Variants in VEPH1 observed in about 807,000 individuals in gnomAD.
VEPH1 encodes ventricular zone-expressed PH domain-containing protein homolog 1.
VEPH1 carries 80 observed loss-of-function variants against 85.2 expected under a neutral mutation model. The observed-to-expected ratio is 0.94, with a 90% CI of 0.78 to 1.13. The LOEUF is 1.13. Ranked by LOEUF, VEPH1 falls within the 50% of genes most tolerant of loss-of-function variation. The probability of loss-of-function intolerance (pLI) is 0.00; values close to 1 mark genes in which losing one functional copy is unlikely to be tolerated. For synonymous variants in VEPH1, 297 were observed against 348.0 expected, an observed-to-expected ratio of 0.85 and a Z score of 1.63; for missense variants, 955 against 980.5, an observed-to-expected ratio of 0.97 and a Z score of 0.35.
At chr3:157,355,317 A>G (rs1219401623) in intron 9 of VEPH1, among the ~76,000 whole-genome samples, 2 of 152,306 alleles carry the variant, frequency 1.3e-5, no homozygotes, top group East Asian at 1.9e-4. Flanking sequence ...CAGGTTCTCA[A>G]GAAGAGTTGG....
chr3:157,479,030 CA>C (rs569504317), intron 2 of VEPH1, among the ~76,000 whole-genome samples: 98 of 151,494 alleles, frequency 6.5e-4, no homozygotes, highest in Middle Eastern at 3.4e-3. Context: ...TTCAAAAAGA[CA>C]AAAAAAAATT....
chr3:157,473,067 CTT>C (rs200991031), intron 2 of VEPH1, among the ~76,000 whole-genome samples: 1,977 of 82,202 alleles, frequency 0.024, 12 homozygotes, highest in African/African-American at 0.11. Flanking sequence ...TTAAATGAAC[CTT>C]TTTTTTTTTT....
intron 9 of VEPH1, among the ~76,000 whole-genome samples, chr3:157,335,689 T>C (rs1722901235): frequency 6.6e-6 from 1 of 152,134 alleles, no homozygotes; most frequent in Non-Finnish European, 1.5e-5. Flanking sequence ...AAAGTGTCCA[T>C]CTCTACAAAA....
chr3:157,319,680 T>C (rs1721161286), intron 9 of VEPH1, among the ~76,000 whole-genome samples: 2 of 152,334 alleles, frequency 1.3e-5, no homozygotes, highest in African/African-American at 2.4e-5. Context: ...AGTTGGACTT[T>C]AGGCCTTTAT....
At chr3:157,501,911 T>G (rs959893536) in intron 1 of VEPH1, among the ~76,000 whole-genome samples, 3 of 152,240 alleles carry the variant, frequency 2.0e-5, no homozygotes, top group African/African-American at 7.2e-5. Context: ...CCATTTGGGC[T>G]CTAGAAACTT....
At position 157,487,108 on chromosome 3, in the gene VEPH1, T is replaced by C. The variant is rs563500380; in HGVS notation, c.138+8104A>G. Among the ~76,000 whole-genome samples the C allele has an allele frequency of 4.0e-5, 6 of 151,286 alleles. No individual in the cohort carries two copies. In the South Asian group the frequency reaches 8.3e-4, roughly 21 times the overall value. ...AACCTAATTATACAATTGAGGAGAC[T>C]AAAAAAAAGAACAGCAGAATAAAGC... On this transcript the variant is annotated intron_variant, in intron 2 of 13. Transcript: ENST00000362010.
At chr3:157,279,783 C>T (rs113036689) in intron 12 of VEPH1, among the ~76,000 whole-genome samples, 90 of 151,898 alleles carry the variant, frequency 5.9e-4, no homozygotes, top group African/African-American at 2.0e-3. Context: ...TTTGGGAGGC[C>T]GAGGCGGGCG....
chr3:157,363,779 G>T lies in VEPH1; in HGVS notation c.1338-18C>A. Reference sequence around the variant, plus strand: ...TTTTTGACCTAGAGTTCAAACAAAGGGAAAGTTAAAGAAGTTGTGTTACCA... The same window carrying T: ...TTTTTGACCTAGAGTTCAAACAAAGTGAAAGTTAAAGAAGTTGTGTTACCA... On this transcript the variant is annotated intron_variant, in intron 8 of 13. Coordinates refer to ENST00000362010, the MANE Select transcript of VEPH1 (RefSeq NM_001167912.2). The T allele has an allele frequency of 6.2e-7, 1 of 1,601,482 alleles. No homozygotes were observed. The highest frequency in any genetic ancestry group is 8.5e-7 in the Non-Finnish European group (1 of 1,173,354).
At chr3:157,272,332 T>G (rs1166961746) in intron 12 of VEPH1, among the ~76,000 whole-genome samples, 5 of 150,432 alleles carry the variant, frequency 3.3e-5, no homozygotes, top group African/African-American at 4.9e-5. Context: ...CTCTCTCTCT[T>G]TCTTTCTTTC....
intron 13 of VEPH1, among the ~76,000 whole-genome samples, 169 bp downstream of exon 13, chr3:157,265,357 C>A (rs1171089946): frequency 6.6e-6 from 1 of 152,132 alleles, no homozygotes; most frequent in Non-Finnish European, 1.5e-5. Context: ...AATCAACTAA[C>A]ATAGGAATAA....
chr3:157,314,549 A>G (rs2108519815), intron 10 of VEPH1, among the ~76,000 whole-genome samples: 1 of 152,146 alleles, frequency 6.6e-6, no homozygotes, highest in East Asian at 1.9e-4. Flanking sequence ...CATGGTTAAT[A>G]TAAATATTCA....
intron 6 of VEPH1, chr3:157,413,664 G>T: frequency 1.0e-6 from 1 of 985,076 alleles, no homozygotes; most frequent in Non-Finnish European, 1.2e-6. Context: ...CATGTAAAAG[G>T]ACTGAAAGAG....
chr3:157,369,194 A>AC (rs1181703330), intron 7 of VEPH1, among the ~76,000 whole-genome samples: 11 of 145,038 alleles, frequency 7.6e-5, no homozygotes, highest in African/African-American at 2.8e-4. Flanking sequence ...AAAAAAAAAA[A>AC]AAAAAAAAAA....
chr3:157,323,017 A>G (rs1267379272), intron 9 of VEPH1, among the ~76,000 whole-genome samples: 1 of 152,214 alleles, frequency 6.6e-6, no homozygotes, highest in East Asian at 1.9e-4. Context: ...ACTTTAAAAT[A>G]CCATTGCTTT....
chr3:157,417,233 C>T (rs758997827), intron 5 of VEPH1, among the ~76,000 whole-genome samples: 5 of 152,138 alleles, frequency 3.3e-5, no homozygotes, highest in Non-Finnish European at 7.4e-5. Context: ...AAACATAGGG[C>T]ATTTCCTTAG....
intron 2 of VEPH1, among the ~76,000 whole-genome samples, chr3:157,477,484 T>C (rs1737590987): frequency 6.6e-6 from 1 of 152,122 alleles, no homozygotes; most frequent in African/African-American, 2.4e-5. Context: ...GATGAGGACA[T>C]TTTTTGTGGG....
At chr3:157,400,200 T>A (rs528755987) in intron 6 of VEPH1, among the ~76,000 whole-genome samples, 4 of 152,214 alleles carry the variant, frequency 2.6e-5, no homozygotes, top group African/African-American at 4.8e-5. Context: ...AACAATTTTT[T>A]AAAATAAATC....
chr3:157,481,050 C>T (rs1230131685), intron 2 of VEPH1, among the ~76,000 whole-genome samples: 1 of 152,026 alleles, frequency 6.6e-6, no homozygotes, highest in Non-Finnish European at 1.5e-5. Flanking sequence ...CTGATGACTG[C>T]TAAAGTTGAG....
At chr3:157,456,628 A>G (rs1343196800) in intron 4 of VEPH1, among the ~76,000 whole-genome samples, 2 of 152,166 alleles carry the variant, frequency 1.3e-5, no homozygotes, top group Non-Finnish European at 2.9e-5. Flanking sequence ...TTGAATAGGT[A>G]GTCTTTTGCC....
Sources: allele counts gnomAD v4.1 joint callset (sites outside exome capture counted in the v4.1 genomes callset), GRCh38; gene constraint gnomAD v4.1.1; transcripts MANE v1.5; gene names NCBI Gene and HGNC (gene_info 2026-07-23, HGNC 2026-07-21).